The following CTNNA2 variants were observed in gnomAD, a reference collection of about 807,000 sequenced individuals.
CTNNA2 encodes catenin alpha 2.
In CTNNA2, 42 loss-of-function variants were observed where a neutral mutation model predicts 101.0. That is an observed-to-expected ratio of 0.42 (90% CI 0.32 to 0.54). The LOEUF (loss-of-function observed/expected upper bound fraction) is 0.54, where lower values mean the gene tolerates loss of function less well. Ranked by LOEUF, CTNNA2 falls within the 20% of genes least tolerant of loss-of-function variation. The pLI is 0.14. For synonymous variants in CTNNA2, 450 were observed against 456.4 expected (o/e 0.99, Z 0.18); for missense variants, 871 against 1,223.1 (o/e 0.71, Z 4.29).
chr2:79,356,646 G>A (rs1463808596), intron 3 of CTNNA2, among the ~76,000 whole-genome samples: 5 of 152,138 alleles, frequency 3.3e-5, no homozygotes, highest in African/African-American at 9.7e-5. Flanking sequence ...ACAACCCAAC[G>A]TCTAGTTAGC....
intron 7 of CTNNA2, among the ~76,000 whole-genome samples, chr2:80,144,318 C>T (rs1477854118): frequency 2.0e-5 from 3 of 152,092 alleles, no homozygotes; most frequent in African/African-American, 7.2e-5. Context: ...AAGACAGCCT[C>T]CTCCTTAACA....
intron 9 of CTNNA2, among the ~76,000 whole-genome samples, chr2:80,498,894 A>G (rs1687663710): frequency 6.6e-6 from 1 of 152,178 alleles, no homozygotes. Flanking sequence ...TCTGTGAGGT[A>G]GATAAATTCA....
At chr2:79,878,665 C>G (rs1683198260) in intron 6 of CTNNA2, among the ~76,000 whole-genome samples, 1 of 152,172 alleles carries the variant, frequency 6.6e-6, no homozygotes, top group Admixed American at 6.5e-5. Flanking sequence ...CCTTTCTCCA[C>G]TTTTGGATGG....
At chr2:79,498,283 G>A (rs1671280556) in intron 4 of CTNNA2, 1 of 152,206 alleles carries the variant, frequency 6.6e-6, no homozygotes, top group African/African-American at 2.4e-5. Flanking sequence ...GTCCTTTCTA[G>A]AGATGGTGTG....
At chr2:80,643,403 T>G (rs867522304) in intron 18 of CTNNA2, among the ~76,000 whole-genome samples, 1 of 152,290 alleles carries the variant, frequency 6.6e-6, no homozygotes, top group Middle Eastern at 3.4e-3. Context: ...TAGAATGAAA[T>G]AAACGAAACT....
At chr2:79,994,871 C>G (rs530429588) in intron 7 of CTNNA2, among the ~76,000 whole-genome samples, 1 of 152,166 alleles carries the variant, frequency 6.6e-6, no homozygotes, top group African/African-American at 2.4e-5. Flanking sequence ...TTCCTACCCC[C>G]ACCATGGCCT....
chr2:79,976,629 G>A lies in CTNNA2; in HGVS notation c.1056+66832G>A, dbSNP rs140887685. ...CTTTTGTATCAGGCACAGGCATTACGATTACATTTTAACCTCACAGTGACC... is the reference window on the plus strand; with the variant it reads ...CTTTTGTATCAGGCACAGGCATTACAATTACATTTTAACCTCACAGTGACC... On this transcript the variant is annotated intron_variant, in intron 7 of 18. Coordinates refer to ENST00000402739, the MANE Select transcript of CTNNA2 (RefSeq NM_001282597.3). 2.2e-3 allele frequency among the ~76,000 whole-genome samples: 341 copies of A among 152,226 alleles called. 2 individuals are homozygous for A. The highest frequency in any genetic ancestry group is 7.8e-3 in the African/African-American group (322 of 41,548).
intron 7 of CTNNA2, among the ~76,000 whole-genome samples, chr2:80,017,728 C>T (rs1325439405): frequency 6.6e-6 from 1 of 152,074 alleles, no homozygotes; most frequent in East Asian, 1.9e-4. Context: ...TGTTCAATTT[C>T]ATTCATAGAC....
At chr2:79,739,435 C>G (rs1470183117) in intron 2 of CTNNA2, among the ~76,000 whole-genome samples, 1 of 152,068 alleles carries the variant, frequency 6.6e-6, no homozygotes, top group Non-Finnish European at 1.5e-5. Context: ...TCATAGGGCC[C>G]ATGTTCTAGT....
rs1193749423 is a variant in CTNNA2 at position 79,286,767 on chromosome 2, C to T, written c.-405-25942C>T. ...CTCTTCTCGAGGAGTATCTTTGTGG[C>T]GTTCTCTGTATTTCCTGAATCTGAA... On this transcript the variant is annotated intron_variant, in intron 2 of 21. Coordinates refer to the CTNNA2 transcript ENST00000466387. 9.4e-4 allele frequency among the ~76,000 whole-genome samples: 143 copies of T among 151,952 alleles called. 1 individual carries two copies. The highest frequency in any genetic ancestry group is 1.0e-3 in the Non-Finnish European group (70 of 67,968).
intron 2 of CTNNA2, among the ~76,000 whole-genome samples, chr2:79,720,201 G>A (rs1686389077): frequency 6.6e-6 from 1 of 152,080 alleles, no homozygotes; most frequent in Non-Finnish European, 1.5e-5. Flanking sequence ...TCAGATGATT[G>A]TAAGTGTGCC....
At chr2:79,532,512 T>G (rs553637741) in intron 1 of CTNNA2, among the ~76,000 whole-genome samples, 141 of 152,302 alleles carry the variant, frequency 9.3e-4, no homozygotes, top group African/African-American at 3.2e-3. Context: ...AAAATTTTCT[T>G]CCTGAATGCA....
intron 7 of CTNNA2, among the ~76,000 whole-genome samples, chr2:80,019,661 G>T (rs1694414862): frequency 6.6e-6 from 1 of 152,160 alleles, no homozygotes; most frequent in Admixed American, 6.5e-5. Flanking sequence ...TGCCATCTTT[G>T]TCAACCATCA....
chr2:79,464,516 G>A (rs978659166), intron 4 of CTNNA2, among the ~76,000 whole-genome samples: 1 of 152,148 alleles, frequency 6.6e-6, no homozygotes, highest in South Asian at 2.1e-4. Context: ...GGATGGCTGG[G>A]TCAAATGGTA....
At position 79,982,170 on chromosome 2, in the gene CTNNA2, C is replaced by T. The variant is rs532479411; in HGVS notation, c.1056+72373C>T. 3.2e-5 allele frequency among the ~76,000 whole-genome samples: 4 copies of T among 123,786 alleles called. No individual in the cohort carries two copies. In the South Asian group the frequency reaches 8.5e-4, roughly 26 times the overall value. The allele number at this position is 123,786 out of a possible 152,430, so 81.2% of individuals were successfully genotyped here. ...TCTCCCACCTCAGCCTCCAGAGTAC[C>T]TGAGACCACAGGCATGTGCCACTAT... On this transcript the variant is annotated intron_variant, in intron 7 of 18. Coordinates refer to ENST00000402739, the MANE Select transcript of CTNNA2 (RefSeq NM_001282597.3).
intron 3 of CTNNA2, among the ~76,000 whole-genome samples, chr2:79,834,975 T>G (rs980335795): frequency 6.6e-6 from 1 of 152,154 alleles, no homozygotes; most frequent in Non-Finnish European, 1.5e-5. Flanking sequence ...CACATTTGCA[T>G]ATATGTAAGT....
chr2:79,195,625 G>A (rs1385270263), intron 1 of CTNNA2, among the ~76,000 whole-genome samples: 1 of 152,154 alleles, frequency 6.6e-6, no homozygotes, highest in Non-Finnish European at 1.5e-5. Context: ...ATGAAAATCA[G>A]ACATTATAAT....
chr2:80,248,400 A>T (rs1344471155), intron 7 of CTNNA2, among the ~76,000 whole-genome samples: 2 of 152,186 alleles, frequency 1.3e-5, no homozygotes, highest in Non-Finnish European at 2.9e-5. Context: ...GGCAGGAGAG[A>T]TTCCAGAGTT....
At chr2:79,806,825 A>G (rs1326589726) in intron 3 of CTNNA2, among the ~76,000 whole-genome samples, 2 of 151,738 alleles carry the variant, frequency 1.3e-5, no homozygotes, top group Non-Finnish European at 1.5e-5. Flanking sequence ...ATTTTCATTT[A>G]TTATCCCCCA....
Sources: allele counts gnomAD v4.1 joint callset (sites outside exome capture counted in the v4.1 genomes callset), GRCh38; gene constraint gnomAD v4.1.1; transcripts MANE v1.5; gene names NCBI Gene and HGNC (gene_info 2026-07-23, HGNC 2026-07-21).